The following MCTP1 variants were observed in gnomAD, a reference collection of about 807,000 sequenced individuals.
The protein encoded by MCTP1 is multiple C2 and transmembrane domain-containing protein 1.
A neutral mutation model predicts 120.6 loss-of-function variants in MCTP1; 69 were observed. The ratio of observed to expected loss-of-function variants is 0.57; its 90% confidence interval spans 0.47 to 0.70. MCTP1 has a LOEUF of 0.70. Ranked by LOEUF, MCTP1 falls within the 30% of genes least tolerant of loss-of-function variation. The pLI is 0.00. For missense variants in MCTP1, 1,203 were observed against 1,248.8 expected, an observed-to-expected ratio of 0.96 and a Z score of 0.55; for synonymous variants, 529 against 493.1, an observed-to-expected ratio of 1.07 and a Z score of -0.96.
At chr5:95,210,688 T>C (rs1752248779) in intron 1 of MCTP1, among the ~76,000 whole-genome samples, 1 of 152,004 alleles carries the variant, frequency 6.6e-6, no homozygotes, top group African/African-American at 2.4e-5. Context: ...AAAGTTAATA[T>C]TGCTATGTGT....
At chr5:95,075,732 C>T (rs1562117991) in intron 1 of MCTP1, among the ~76,000 whole-genome samples, 1 of 152,130 alleles carries the variant, frequency 6.6e-6, no homozygotes, top group African/African-American at 2.4e-5. Flanking sequence ...AAAGTTTTAT[C>T]TTTGTTTCTA....
At chr5:94,821,718 C>T (rs1785695483) in intron 17 of MCTP1, among the ~76,000 whole-genome samples, 1 of 152,118 alleles carries the variant, frequency 6.6e-6, no homozygotes, top group Non-Finnish European at 1.5e-5. Flanking sequence ...CCCTCTGATA[C>T]AAAAACCTAT....
chr5:95,085,133 G>T (rs1237943486), intron 1 of MCTP1, among the ~76,000 whole-genome samples: 1 of 152,002 alleles, frequency 6.6e-6, no homozygotes, highest in Non-Finnish European at 1.5e-5. Context: ...TTTTCTGGAA[G>T]AAGTAAACCA....
chr5:95,044,838 G>A (rs1290484329), intron 1 of MCTP1, among the ~76,000 whole-genome samples: 1 of 151,710 alleles, frequency 6.6e-6, no homozygotes, highest in Non-Finnish European at 1.5e-5. Context: ...CCGAGCCCCC[G>A]TCATCCCTAA....
intron 17 of MCTP1, among the ~76,000 whole-genome samples, chr5:94,840,484 C>T (rs534100173): frequency 1.1e-4 from 17 of 152,252 alleles, no homozygotes; most frequent in Admixed American, 8.5e-4. Context: ...AGATTTTAAC[C>T]GCTGTTGGGA....
At chr5:94,942,939 C>T (rs1818082326) in intron 3 of MCTP1, among the ~76,000 whole-genome samples, 1 of 152,004 alleles carries the variant, frequency 6.6e-6, no homozygotes, top group Admixed American at 6.6e-5. Context: ...CAAACAATTA[C>T]TGGGGGATAA....
At chr5:95,104,877 C>T (rs1390468075) in intron 1 of MCTP1, among the ~76,000 whole-genome samples, 1 of 152,204 alleles carries the variant, frequency 6.6e-6, no homozygotes, top group Non-Finnish European at 1.5e-5. Flanking sequence ...CTCAACTGCA[C>T]ATTTAAATGG....
At chr5:95,278,103 T>C (rs1415847094) in intron 1 of MCTP1, among the ~76,000 whole-genome samples, 2 of 150,482 alleles carry the variant, frequency 1.3e-5, no homozygotes, top group Admixed American at 1.3e-4. Context: ...AAAAAAAAAG[T>C]TTCTAATGGT....
intron 1 of MCTP1, among the ~76,000 whole-genome samples, chr5:95,023,586 A>G (rs1306356976): frequency 1.3e-5 from 2 of 152,180 alleles, no homozygotes. Context: ...GGATCGCCCA[A>G]CTCCATAAAA....
intron 1 of MCTP1, among the ~76,000 whole-genome samples, chr5:95,238,137 T>C (rs1018896341): frequency 6.6e-6 from 1 of 152,180 alleles, no homozygotes; most frequent in African/African-American, 2.4e-5. Flanking sequence ...TCCATCGCCA[T>C]GTGAGAAAGT....
chr5:95,033,839 G>A (rs1044672786), intron 1 of MCTP1, among the ~76,000 whole-genome samples: 3 of 151,988 alleles, frequency 2.0e-5, no homozygotes, highest in Admixed American at 6.6e-5. Context: ...TCTGGCAAAA[G>A]GTTCCTAGAC....
intron 1 of MCTP1, among the ~76,000 whole-genome samples, chr5:95,060,763 GGAGTTT>G (rs917982596): frequency 1.3e-5 from 2 of 151,962 alleles, no homozygotes; most frequent in African/African-American, 4.8e-5. Context: ...CCTGAGGTTA[GGAGTTT>G]GAGAACAGCC....
intron 1 of MCTP1, among the ~76,000 whole-genome samples, chr5:95,223,451 A>G (rs1375239270): frequency 6.6e-6 from 1 of 152,156 alleles, no homozygotes; most frequent in Admixed American, 6.5e-5. Context: ...ATTCTGTCTC[A>G]AAAACATAAA....
At chr5:95,001,342 C>T (rs182217995) in intron 2 of MCTP1, among the ~76,000 whole-genome samples, 14 of 152,054 alleles carry the variant, frequency 9.2e-5, no homozygotes, top group Admixed American at 1.3e-4. Context: ...CTTTGGAACT[C>T]GGTAATCAGC....
At chr5:95,056,880 A>G (rs772238827) in intron 1 of MCTP1, among the ~76,000 whole-genome samples, 8 of 151,860 alleles carry the variant, frequency 5.3e-5, no homozygotes, top group Admixed American at 3.9e-4. Context: ...CACACACACA[A>G]ACACACGCAA....
rs767666544 is a variant in MCTP1, at chr5:95,042,130, C to T, written c.721-24646G>A. 3.3e-5 allele frequency among the ~76,000 whole-genome samples: 5 copies of T among 152,140 alleles called. No homozygotes were observed. In the South Asian group the frequency reaches 1.0e-3, roughly 32 times the overall value. On this transcript the variant is annotated intron_variant, in intron 1 of 22. Coordinates refer to ENST00000515393, the MANE Select transcript of MCTP1 (RefSeq NM_024717.7). The stretch of plus-strand genomic sequence containing the variant: ...TTCAGTGTAGTCGTTTGAAAAGTCC[C>T]CAGTTATGTATAATTGGCATATTCA...
intron 1 of MCTP1, among the ~76,000 whole-genome samples, chr5:95,259,554 T>C (rs1758260863): frequency 6.6e-6 from 1 of 152,186 alleles, no homozygotes; most frequent in African/African-American, 2.4e-5. Flanking sequence ...ACACAATCTC[T>C]TTCCTGCTTT....
At chr5:95,139,721 A>G (rs746550494) in intron 1 of MCTP1, among the ~76,000 whole-genome samples, 7 of 152,224 alleles carry the variant, frequency 4.6e-5, no homozygotes, top group Non-Finnish European at 8.8e-5. Flanking sequence ...CTGTTTCCTT[A>G]TGAACAATGT....
chr5:95,146,338 C>G (rs189636882), intron 1 of MCTP1, among the ~76,000 whole-genome samples: 6 of 152,196 alleles, frequency 3.9e-5, no homozygotes, highest in African/African-American at 1.4e-4. Context: ...AGAACTAACT[C>G]TTGCTTTCAT....
Sources: allele counts gnomAD v4.1 joint callset (sites outside exome capture counted in the v4.1 genomes callset), GRCh38; gene constraint gnomAD v4.1.1; transcripts MANE v1.5; gene names NCBI Gene and HGNC (gene_info 2026-07-23, HGNC 2026-07-21).